Variants in FBXO27 observed in about 807,000 individuals in gnomAD.
FBXO27 encodes F-box only protein 27.
Under a neutral mutation model 28.3 loss-of-function variants are expected in FBXO27, and 28 were observed. That is an observed-to-expected ratio of 0.99 (90% CI 0.73 to 1.36). FBXO27 has a LOEUF of 1.36. Ranked by LOEUF, FBXO27 falls within the 40% of genes most tolerant of loss-of-function variation. The pLI is 0.00. For missense variants in FBXO27, 388 were observed against 394.1 expected, an observed-to-expected ratio of 0.98 and a Z score of 0.13; for synonymous variants, 175 against 167.3, an observed-to-expected ratio of 1.05 and a Z score of -0.36.
intron 2 of FBXO27, 185 bp from the exon 3 acceptor site, chr19:39,031,505 T>C: frequency 1.6e-6 from 1 of 606,482 alleles, no homozygotes; most frequent in African/African-American, 2.0e-5. Flanking sequence ...CTGGCCCTTC[T>C]CACTGATTTG....
chr19:39,020,718 C>G (rs2072840993), downstream of FBXO27, among the ~76,000 whole-genome samples: 1 of 115,152 alleles, frequency 8.7e-6, no homozygotes, highest in Admixed American at 1.0e-4. Flanking sequence ...TATAACAGAG[C>G]CAATCAAGGA....
At chr19:39,027,943 A>C (rs1184859411) in intron 4 of FBXO27, among the ~76,000 whole-genome samples, 1 of 152,114 alleles carries the variant, frequency 6.6e-6, no homozygotes, top group Non-Finnish European at 1.5e-5. Flanking sequence ...TAAACTTCTC[A>C]CAAATATTGA....
downstream of FBXO27, among the ~76,000 whole-genome samples, chr19:39,021,419 G>A (rs1411951150): frequency 6.6e-6 from 1 of 152,108 alleles, no homozygotes; most frequent in African/African-American, 2.4e-5. Flanking sequence ...TACTCATTGT[G>A]AAGATAACGA....
At chr19:39,010,245 A>G (rs1301275839) in intron 2 of FBXO27, among the ~76,000 whole-genome samples, 1 of 151,810 alleles carries the variant, frequency 6.6e-6, no homozygotes, top group African/African-American at 2.4e-5. Context: ...TAAGAATGTT[A>G]TAGTCTTAGC....
downstream of FBXO27, among the ~76,000 whole-genome samples, chr19:39,022,207 G>C (rs1054269483): frequency 3.7e-4 from 49 of 132,734 alleles, 1 homozygote; most frequent in African/African-American, 1.4e-3. Context: ...CTAGGCTGGA[G>C]TGTTGTGGTC....
downstream of FBXO27, among the ~76,000 whole-genome samples, chr19:39,020,289 C>T (rs1284759590): frequency 6.6e-6 from 1 of 152,050 alleles, no homozygotes; most frequent in Non-Finnish European, 1.5e-5. Context: ...ACAAGAAGGC[C>T]TGGACAACAA....
chr19:39,013,160 G>A (rs1222181472), intron 2 of FBXO27, among the ~76,000 whole-genome samples: 1 of 152,172 alleles, frequency 6.6e-6, no homozygotes, highest in Non-Finnish European at 1.5e-5. Context: ...TGGGGAAGTA[G>A]AGTCAGGCTA....
intron 1 of FBXO27, chr19:39,014,609 C>G (rs1162713318): frequency 6.5e-6 from 1 of 153,222 alleles, no homozygotes; most frequent in African/African-American, 2.4e-5. Flanking sequence ...ACCTGTAGTC[C>G]CAGTTACTTG....
At chr19:39,011,678 T>G in intron 2 of FBXO27, among the ~76,000 whole-genome samples, 1 of 95,830 alleles carries the variant, frequency 1.0e-5, no homozygotes, top group African/African-American at 3.7e-5. Flanking sequence ...TTCTTATTTT[T>G]CGCAGAGATG....
At chr19:39,026,807 G>C (rs141140367) in intron 5 of FBXO27, 63 bp downstream of exon 5, 1 of 1,605,510 alleles carries the variant, frequency 6.2e-7, no homozygotes, top group Non-Finnish European at 8.5e-7. Flanking sequence ...AAGTTTTGGG[G>C]TGATTTATTT....
At chr19:39,027,524 T>C (rs2072880023) in intron 4 of FBXO27, among the ~76,000 whole-genome samples, 1 of 152,202 alleles carries the variant, frequency 6.6e-6, no homozygotes, top group Non-Finnish European at 1.5e-5. Context: ...CTGTGTTTGA[T>C]CTTTTCCCTG....
At chr19:39,012,952 C>G (rs746458694) in intron 2 of FBXO27, among the ~76,000 whole-genome samples, 8 of 146,470 alleles carry the variant, frequency 5.5e-5, no homozygotes, top group Non-Finnish European at 7.5e-5. Flanking sequence ...AGAGTGAGAC[C>G]CTGTCTCAAA....
At chr19:39,022,472 A>G (rs2072850228), downstream of FBXO27, among the ~76,000 whole-genome samples, 2 of 151,346 alleles carry the variant, frequency 1.3e-5, no homozygotes, top group Admixed American at 6.6e-5. Context: ...TTTGAGACAG[A>G]GTTTTGCTCT....
chr19:39,026,573 CA>C (rs78367042), intron 5 of FBXO27, among the ~76,000 whole-genome samples: 13,015 of 152,250 alleles, frequency 0.085, 708 homozygotes, highest in Non-Finnish European at 0.12. Flanking sequence ...CTCCCAGATT[CA>C]AACGATTGCC....
At position 39,031,037 on chromosome 19, in the gene FBXO27, G is replaced by C. The variant is rs750993674; in HGVS notation, c.564C>G (p.Val188=). 1 of 1,613,742 alleles carries C rather than the reference G, an allele frequency of 6.2e-7. No homozygotes were observed. Among genetic ancestry groups the C allele is most frequent in the Non-Finnish European group, 8.5e-7 (1 of 1,179,776 alleles). ...LLDSGRIEIC[V]SDWWGARHDS... ...TTAATCGTCACACTCACCAGTCAGA[G>C]ACACAAATCTCAATCCTGCCACTAT... The change falls in exon 4 of 6, where the codon GTC becomes GTG. Residue 188 remains valine (V), a synonymous_variant. Transcript: ENST00000292853.
chr19:39,007,584 AC>A (rs1975745008), intron 2 of FBXO27, among the ~76,000 whole-genome samples: 1 of 151,268 alleles, frequency 6.6e-6, no homozygotes, highest in South Asian at 2.1e-4. Context: ...CCCACCCCCA[AC>A]TCTGCATCTC....
chr19:39,016,808 G>A (rs949141096), intron 1 of FBXO27, among the ~76,000 whole-genome samples: 4 of 151,704 alleles, frequency 2.6e-5, no homozygotes, highest in Non-Finnish European at 5.9e-5. Context: ...TTAAATAAAC[G>A]AAACTTTTTC....
intron 1 of FBXO27, among the ~76,000 whole-genome samples, chr19:39,016,148 A>G (rs116504385): frequency 0.024 from 3,670 of 152,278 alleles, 143 homozygotes; most frequent in African/African-American, 0.083. Context: ...GAACTGGTAG[A>G]GCACAGAGGA....
intron 1 of FBXO27, among the ~76,000 whole-genome samples, chr19:39,018,044 C>T (rs989155438): frequency 2.0e-5 from 3 of 152,212 alleles, no homozygotes; most frequent in Non-Finnish European, 2.9e-5. Flanking sequence ...TGCGATGGTG[C>T]GATCTCGCTC....
Sources: gnomAD v4.1 joint callset for allele counts (sites outside exome capture counted in the v4.1 genomes callset) on GRCh38, gnomAD v4.1.1 for gene constraint, MANE v1.5 for transcripts, NCBI Gene and HGNC (gene_info 2026-07-23, HGNC 2026-07-21) for gene names.